The following F13A1 variants were observed in gnomAD, a reference collection of about 807,000 sequenced individuals.
F13A1 encodes the protein FSF, A subunit.
In F13A1, 47 loss-of-function variants were observed where a neutral mutation model predicts 80.1. That is an observed-to-expected ratio of 0.59 (90% CI 0.46 to 0.75). The LOEUF (loss-of-function observed/expected upper bound fraction) is 0.75, where lower values mean the gene tolerates loss of function less well. F13A1 is among the 30% of genes least tolerant of loss of function. The probability of loss-of-function intolerance (pLI) is 0.00; values close to 1 mark genes in which losing one functional copy is unlikely to be tolerated. For synonymous variants in F13A1, 349 were observed against 344.9 expected (o/e 1.01, Z -0.13); for missense variants, 817 against 930.4 (o/e 0.88, Z 1.59).
In F13A1 at chr6:6,296,093, C is replaced by T. The variant is rs1388439382; in HGVS notation, c.319+9258G>A. On this transcript the variant is annotated intron_variant, in intron 3 of 14. Transcript: ENST00000264870. ...TTATTTCTGAGGGCTCTGTTCTGTT[C>T]CATTGATCTATATCTCTGTTTTGGT... is the stretch of plus-strand genomic sequence containing the variant. Among the ~76,000 whole-genome samples, 12 of 149,158 alleles carry T rather than the reference C, an allele frequency of 8.0e-5. 1 individual carries two copies. Among genetic ancestry groups the T allele is most frequent in the Admixed American group, 7.3e-4 (11 of 15,150 alleles).
chr6:6,286,007 T>G (rs1228476606), intron 3 of F13A1, among the ~76,000 whole-genome samples: 1 of 152,238 alleles, frequency 6.6e-6, no homozygotes, highest in Non-Finnish European at 1.5e-5. Context: ...ATGCTCCGCT[T>G]CTAAGCGCTA....
At chr6:6,217,906 T>C (rs1757126185) in intron 8 of F13A1, among the ~76,000 whole-genome samples, 1 of 152,204 alleles carries the variant, frequency 6.6e-6, no homozygotes, top group South Asian at 2.1e-4. Flanking sequence ...CATTGCAGCA[T>C]GGAGTTTTTA....
chr6:6,170,797 G>T (rs1760758946), intron 12 of F13A1, among the ~76,000 whole-genome samples: 1 of 152,114 alleles, frequency 6.6e-6, no homozygotes, highest in Non-Finnish European at 1.5e-5. Context: ...ATCTAAGAAT[G>T]CTTGATCAAG....
chr6:6,261,226 C>T (rs1391165549), intron 4 of F13A1, among the ~76,000 whole-genome samples: 3 of 152,148 alleles, frequency 2.0e-5, no homozygotes, highest in African/African-American at 4.8e-5. Flanking sequence ...CTTGGTCTCC[C>T]GAAGTGCTGG....
Position 6,162,799 on chromosome 6 carries a change from G to A in F13A1, c.1908+4659C>T, listed in dbSNP as rs1298733795. The stretch of plus-strand genomic sequence containing the variant: ...ATGCAGAAGCCAACAGAGGTGAAAT[G>A]ATCTGTCCAGGTTTACACAGTTATG... On this transcript the variant is annotated intron_variant, in intron 13 of 14. Transcript: ENST00000264870. The surrounding 1 kb of genome is among the most constrained non-coding windows in gnomAD (Gnocchi z 4.2). Among the ~76,000 whole-genome samples the A allele has an allele frequency of 1.3e-5, 2 of 152,144 alleles. No individual in the cohort carries two copies. The highest frequency in any genetic ancestry group is 1.3e-4 in the Admixed American group (2 of 15,270).
At chr6:6,161,381 G>T (rs1014095499) in intron 13 of F13A1, among the ~76,000 whole-genome samples, 5 of 152,228 alleles carry the variant, frequency 3.3e-5, no homozygotes, top group Admixed American at 6.5e-5. Flanking sequence ...AGGTCTGGAC[G>T]TGGGCCATGC....
intron 8 of F13A1, among the ~76,000 whole-genome samples, chr6:6,219,757 G>A (rs1008387927): frequency 5.9e-5 from 9 of 152,146 alleles, no homozygotes; most frequent in Non-Finnish European, 1.2e-4. Context: ...CCAAGTGTCT[G>A]CTTTTTCTTT....
chr6:6,193,327 A>T (rs911769028), intron 10 of F13A1, among the ~76,000 whole-genome samples: 1 of 152,210 alleles, frequency 6.6e-6, no homozygotes. Flanking sequence ...GAAATGAGTA[A>T]GGAATGACCA....
At position 6,147,249 on chromosome 6, in the gene F13A1, A is replaced by G. The variant is rs1760300316; in HGVS notation, c.2046-1477T>C. Among the ~76,000 whole-genome samples, 3 of 152,370 alleles carry G rather than the reference A, an allele frequency of 2.0e-5. No homozygotes were observed. The South Asian group carries it at 6.2e-4, about 32-fold the overall frequency. On this transcript the variant is annotated intron_variant, in intron 14 of 14. Coordinates refer to ENST00000264870, the MANE Select transcript of F13A1 (RefSeq NM_000129.4). ...ACCAAATGTCTCAGAAACCACCACCAAAGAACTTATTCATGTAACCAAACA... is the reference window on the plus strand; with the variant it reads ...ACCAAATGTCTCAGAAACCACCACCGAAGAACTTATTCATGTAACCAAACA...
At chr6:6,152,963 C>T (rs1300276635) in intron 13 of F13A1, among the ~76,000 whole-genome samples, 9 of 152,280 alleles carry the variant, frequency 5.9e-5, no homozygotes, top group Admixed American at 2.6e-4. Context: ...GCTCATAAAA[C>T]GGCAAACATA....
rs564281217 is a variant in F13A1, at chr6:6,209,865, GGT to G, written c.1112+12166_1112+12167del. 2.9e-3 allele frequency among the ~76,000 whole-genome samples: 442 copies of G among 152,252 alleles called. 4 individuals are homozygous for G. Among genetic ancestry groups the G allele is most frequent in the African/African-American group, 0.01 (424 of 41,534 alleles). The stretch of plus-strand genomic sequence containing the variant: ...GAGAAATGGGGAGTGACTGCTAATA[GGT>G]ATGGCAGAGGGGAGAGAAAATGTTC... On this transcript the variant is annotated intron_variant, in intron 8 of 14. Transcript: ENST00000264870.
At chr6:6,223,334 C>T (rs1481888220) in intron 7 of F13A1, among the ~76,000 whole-genome samples, 3 of 152,108 alleles carry the variant, frequency 2.0e-5, no homozygotes, top group East Asian at 1.9e-4. Context: ...TGTTGTGAGC[C>T]GGAAGGAATT....
At chr6:6,197,049 A>G (rs1761303407) in intron 9 of F13A1, among the ~76,000 whole-genome samples, 174 bp downstream of exon 9, 2 of 152,232 alleles carry the variant, frequency 1.3e-5, no homozygotes, top group South Asian at 4.1e-4. Context: ...AAAGCTGACA[A>G]TGGAAATGAA....
rs186987234 is a variant in F13A1, at chr6:6,184,908, C to T, written c.1306-2767G>A. ...GTGGAGGGAAATTATTCTTTCCAAG[C>T]GACATTAGCAAGCTTTCTTTTTGGT... On this transcript the variant is annotated intron_variant, in intron 10 of 14. Coordinates refer to ENST00000264870, the MANE Select transcript of F13A1 (RefSeq NM_000129.4). Among the ~76,000 whole-genome samples the T allele has an allele frequency of 1.9e-3, 293 of 152,146 alleles. 5 individuals are homozygous for T. Among genetic ancestry groups the T allele is most frequent in the Non-Finnish European group, 6.9e-4 (47 of 68,008 alleles).
In F13A1 at chr6:6,266,712, C is replaced by T. The variant is rs752157337; in HGVS notation, c.417G>A (p.Glu139=). Residue 139 remains glutamate (E), a synonymous_variant, in exon 4 of 15, where the codon GAG becomes GAA. Transcript: ENST00000264870. ...GGATGGACAGCCGCACAGACCTGTCCTCTCTCATGACAATCTTGGCCCCCC... is the reference window on the plus strand; with the variant it reads ...GGATGGACAGCCGCACAGACCTGTCTTCTCTCATGACAATCTTGGCCCCCC... ...GKWGAKIVMR[E]DRSVRLSIQS... 2 of 1,614,206 alleles carry T rather than the reference C, an allele frequency of 1.2e-6. No homozygotes were observed. Among genetic ancestry groups the T allele is most frequent in the Middle Eastern group, 1.6e-4 (1 of 6,062 alleles).
At chr6:6,242,360 G>C (rs17376901) in intron 6 of F13A1, among the ~76,000 whole-genome samples, 1 of 152,160 alleles carries the variant, frequency 6.6e-6, no homozygotes, top group South Asian at 2.1e-4. Context: ...TTCCCAAAAG[G>C]CATAGTCAGA....
intron 8 of F13A1, among the ~76,000 whole-genome samples, chr6:6,217,926 A>C (rs1407003395): frequency 6.6e-6 from 1 of 152,144 alleles, no homozygotes; most frequent in Non-Finnish European, 1.5e-5. Context: ...ATGCATTAAA[A>C]ATTTTTTCCA....
intron 3 of F13A1, among the ~76,000 whole-genome samples, chr6:6,289,683 G>T (rs1021056107): frequency 6.6e-6 from 1 of 152,078 alleles, no homozygotes; most frequent in African/African-American, 2.4e-5. Context: ...AAAAAAATCA[G>T]ATCTTAATAC....
chr6:6,269,198 A>G (rs1414734221), intron 3 of F13A1, among the ~76,000 whole-genome samples: 1 of 149,602 alleles, frequency 6.7e-6, no homozygotes, highest in African/African-American at 2.5e-5. Flanking sequence ...CGGGCAAAGC[A>G]CTCATCCCCT....
Sources: allele counts gnomAD v4.1 joint callset (sites outside exome capture counted in the v4.1 genomes callset), GRCh38; gene constraint gnomAD v4.1.1; non-coding constraint Gnocchi (gnomAD v3.1); transcripts MANE v1.5; gene names NCBI Gene and HGNC (gene_info 2026-07-23, HGNC 2026-07-21).